Variants in UTS2 observed in about 807,000 individuals in gnomAD.
UTS2 encodes urotensin 2, also known as urotensin-2.
UTS2 carries 10 observed loss-of-function variants against 12.6 expected under a neutral mutation model. The ratio of observed to expected loss-of-function variants is 0.80; its 90% CI spans 0.49 to 1.35. UTS2 has a LOEUF of 1.35. Among genes scored for constraint, UTS2 ranks in the 40% most tolerant of loss-of-function variants. The pLI is 0.00. For synonymous variants in UTS2, 52 were observed against 50.0 expected (o/e 1.04, Z -0.17); for missense variants, 142 against 143.2 (o/e 0.99, Z 0.04).
the UTS2 span, among the ~76,000 whole-genome samples, chr1:7,858,768 G>C: frequency 6.6e-6 from 1 of 152,126 alleles, no homozygotes; most frequent in Non-Finnish European, 1.5e-5. Context: ...ATCTTCAGTA[G>C]AGATGGTGTT....
At chr1:7,864,860 GGAGTTTCCTCTTGGCCCC>G in the UTS2 span, among the ~76,000 whole-genome samples, 1 of 152,188 alleles carries the variant, frequency 6.6e-6, no homozygotes, top group Non-Finnish European at 1.5e-5. Flanking sequence ...GGGTGAAGGA[GGAGTTTCCTCTTGGCCCC>G]GATACCGTCT....
the UTS2 span, among the ~76,000 whole-genome samples, chr1:7,892,676 G>A: frequency 2.6e-5 from 4 of 151,476 alleles, no homozygotes; most frequent in African/African-American, 9.7e-5. Context: ...GCGGGGAGGC[G>A]GGATATTGCC....
At chr1:7,868,858 G>T in the UTS2 span, among the ~76,000 whole-genome samples, 1 of 152,118 alleles carries the variant, frequency 6.6e-6, no homozygotes, top group Non-Finnish European at 1.5e-5. Context: ...ATGAGGGTGA[G>T]ACCCCCATGA....
the UTS2 span, among the ~76,000 whole-genome samples, chr1:7,887,040 CAAAAAAAAAA>C: frequency 1.2e-4 from 4 of 34,728 alleles, no homozygotes; most frequent in Non-Finnish European, 1.4e-4. Context: ...GACTCCGTCT[CAAAAAAAAAA>C]AAAAAAAAAA....
the UTS2 span, among the ~76,000 whole-genome samples, chr1:7,909,400 C>T: frequency 6.6e-6 from 1 of 151,770 alleles, no homozygotes. Context: ...CAAAAATTAG[C>T]CAGGCATGGT....
chr1:7,861,664 C>T, the UTS2 span, among the ~76,000 whole-genome samples: 3 of 152,244 alleles, frequency 2.0e-5, no homozygotes, highest in Middle Eastern at 0.01. Flanking sequence ...GAGCCTGGCC[C>T]CAGGTAGCCA....
At position 7,852,950 on chromosome 1, in the gene UTS2, G is replaced by A. The variant is rs745362320; in HGVS notation, c.54C>T (p.Leu18=). Reference sequence around the variant, plus strand: ...TGGAGTCAAGGAGAGGAAGAGATAAGAGAGGATTTAAGAATCCTATGAAAA... The same window carrying A: ...TGGAGTCAAGGAGAGGAAGAGATAAAAGAGGATTTAAGAATCCTATGAAAA... ...CLLFIGFLNP[L]LSLPLLDSRE... is the part of the protein sequence containing the mutation. The change falls in exon 1 of 4, where the codon CTC becomes CTT. Residue 18 remains leucine, a synonymous_variant. Coordinates refer to ENST00000361696, the MANE Select transcript of UTS2 (RefSeq NM_006786.4). 22 of 1,613,366 alleles carry A rather than the reference G, an allele frequency of 1.4e-5. No individual in the cohort carries two copies. In the African/African-American group the frequency reaches 2.9e-4, roughly 22 times the overall value.
chr1:7,894,554 C>T, the UTS2 span, among the ~76,000 whole-genome samples: 1 of 152,188 alleles, frequency 6.6e-6, no homozygotes, highest in Non-Finnish European at 1.5e-5. Context: ...AAGGACAAAT[C>T]ACATATCACA....
chr1:7,855,623 T>C (rs1001132039), upstream of UTS2, among the ~76,000 whole-genome samples: 1 of 151,330 alleles, frequency 6.6e-6, no homozygotes, highest in African/African-American at 2.4e-5. Context: ...CCTTAAGTGA[T>C]CCACCTGCCT....
chr1:7,884,079 G>A, the UTS2 span, among the ~76,000 whole-genome samples: 188 of 152,232 alleles, frequency 1.2e-3, no homozygotes, highest in African/African-American at 4.4e-3. Flanking sequence ...CTCCCAAAGG[G>A]AAACCAATTT....
At chr1:7,868,330 G>T in the UTS2 span, among the ~76,000 whole-genome samples, 1 of 152,198 alleles carries the variant, frequency 6.6e-6, no homozygotes, top group South Asian at 2.1e-4. Context: ...CAGAGATAAG[G>T]ACTCATCCAG....
At chr1:7,874,382 C>T in the UTS2 span, among the ~76,000 whole-genome samples, 94 of 152,194 alleles carry the variant, frequency 6.2e-4, no homozygotes, top group Non-Finnish European at 1.2e-3. Context: ...AGAGCCCACC[C>T]CTGACCAGAC....
chr1:7,908,669 A>G, the UTS2 span, among the ~76,000 whole-genome samples: 1 of 151,794 alleles, frequency 6.6e-6, no homozygotes, highest in Non-Finnish European at 1.5e-5. Context: ...CATATATATT[A>G]CTCTGTTCTC....
chr1:7,856,091 G>C (rs1270562223), upstream of UTS2, among the ~76,000 whole-genome samples: 9 of 150,996 alleles, frequency 6.0e-5, no homozygotes, highest in African/African-American at 2.2e-4. Flanking sequence ...TCGGCCCCCG[G>C]AAGTGCTGGG....
At chr1:7,886,915 T>C in the UTS2 span, among the ~76,000 whole-genome samples, 1 of 151,656 alleles carries the variant, frequency 6.6e-6, no homozygotes, top group African/African-American at 2.4e-5. Flanking sequence ...CTGGGCATGG[T>C]GGCAGGTCCC....
At chr1:7,901,130 T>C in the UTS2 span, among the ~76,000 whole-genome samples, 1 of 152,338 alleles carries the variant, frequency 6.6e-6, no homozygotes, top group African/African-American at 2.4e-5. Flanking sequence ...AGTTTTCAAA[T>C]GTATTGGCAA....
intron 1 of UTS2, 143 bp from the exon 2 acceptor site, chr1:7,851,065 G>A (rs1578026107): frequency 2.7e-6 from 2 of 744,112 alleles, no homozygotes; most frequent in Non-Finnish European, 4.4e-6. Flanking sequence ...TGTCATCAGT[G>A]GTATTCTAGA....
intron 1 of UTS2, 145 bp from the exon 2 acceptor site, chr1:7,851,067 T>C: frequency 1.4e-6 from 1 of 740,258 alleles, no homozygotes; most frequent in Non-Finnish European, 2.2e-6. Context: ...TCATCAGTGG[T>C]ATTCTAGAAG....
chr1:7,873,159 A>T, the UTS2 span, among the ~76,000 whole-genome samples: 1 of 152,336 alleles, frequency 6.6e-6, no homozygotes, highest in Admixed American at 6.5e-5. Flanking sequence ...AATTTCTTCA[A>T]AATATTATTG....
Sources: allele counts gnomAD v4.1 joint callset (sites outside exome capture counted in the v4.1 genomes callset), GRCh38; gene constraint gnomAD v4.1.1; transcripts MANE v1.5; gene names NCBI Gene and HGNC (gene_info 2026-07-23, HGNC 2026-07-21).